The following LRRN3 variants were observed in gnomAD, a reference collection of about 807,000 sequenced individuals.
LRRN3 encodes leucine-rich repeat neuronal protein 3.
A neutral mutation model predicts 40.1 loss-of-function variants in LRRN3; 15 were observed. That is an observed-to-expected ratio of 0.37 (90% CI 0.25 to 0.58). The LOEUF (loss-of-function observed/expected upper bound fraction) is 0.58. Among genes scored for constraint, LRRN3 ranks in the 20% least tolerant of loss-of-function variants. The pLI is 0.72. For synonymous variants in LRRN3, 308 were observed against 297.2 expected (o/e 1.04, Z -0.37); for missense variants, 746 against 837.7 (o/e 0.89, Z 1.35).
At chr7:111,105,416 A>G (rs1329700345) in intron 2 of LRRN3, among the ~76,000 whole-genome samples, 1 of 151,896 alleles carries the variant, frequency 6.6e-6, no homozygotes, top group Non-Finnish European at 1.5e-5. Flanking sequence ...ACAATACACC[A>G]CAACAGTACA....
intron 2 of LRRN3, among the ~76,000 whole-genome samples, chr7:111,116,618 A>G (rs2129585792): frequency 6.6e-6 from 1 of 152,308 alleles, no homozygotes; most frequent in East Asian, 1.9e-4. Context: ...AATTTAGTGC[A>G]TATTTTGTGA....
At chr7:111,101,268 G>C (rs573939107) in intron 2 of LRRN3, among the ~76,000 whole-genome samples, 1 of 151,432 alleles carries the variant, frequency 6.6e-6, no homozygotes, top group South Asian at 2.1e-4. Context: ...TTTAATCAAT[G>C]ACCATGATAT....
chr7:111,094,159 G>A lies in LRRN3; in HGVS notation c.-441+2655G>A, dbSNP rs550071350. Reference sequence around the variant, plus strand: ...TCCCCCCGAATCTGAATTTTTTTGGGGTGTAACATTCCTGTGTAACATGGC... The same window carrying A: ...TCCCCCCGAATCTGAATTTTTTTGGAGTGTAACATTCCTGTGTAACATGGC... On this transcript the variant is annotated intron_variant, in intron 1 of 2. Transcript: ENST00000308478. Among the ~76,000 whole-genome samples, 31 of 151,990 alleles carry A rather than the reference G, an allele frequency of 2.0e-4. No homozygotes were observed. In the South Asian group the frequency reaches 2.5e-3, roughly 12 times the overall value.
At chr7:111,106,985 A>G (rs1798619159) in intron 2 of LRRN3, among the ~76,000 whole-genome samples, 1 of 151,976 alleles carries the variant, frequency 6.6e-6, no homozygotes, top group Non-Finnish European at 1.5e-5. Flanking sequence ...TTCTATATTA[A>G]AATGCAAAAA....
Position 111,125,114 on chromosome 7 carries a change from G to T in LRRN3, c.*215G>T. Reference sequence around the variant, plus strand: ...AGTAACTGGCTTCAAGGGGTACTGTGGCAACCAAATAAAATAACTCCATTT... The same window carrying T: ...AGTAACTGGCTTCAAGGGGTACTGTTGCAACCAAATAAAATAACTCCATTT... On this transcript the variant is annotated 3_prime_UTR_variant, in exon 3 of 3. Transcript: ENST00000308478. 2.2e-6 allele frequency: 1 copy of T among 445,160 alleles called. No individual in the cohort carries two copies. Among genetic ancestry groups the T allele is most frequent in the Non-Finnish European group, 4.1e-6 (1 of 245,646 alleles). The allele number at this position is 445,160 out of a possible 1,614,324, so 27.6% of individuals were successfully genotyped here.
intron 1 of LRRN3, among the ~76,000 whole-genome samples, chr7:111,094,433 T>A (rs919540214): frequency 6.6e-6 from 1 of 152,094 alleles, no homozygotes; most frequent in Admixed American, 6.6e-5. Context: ...ATAATGTGGC[T>A]CCAGCCAGTC....
chr7:111,119,616 A>C (rs1042604368), intron 2 of LRRN3, among the ~76,000 whole-genome samples: 1 of 152,240 alleles, frequency 6.6e-6, no homozygotes, highest in Non-Finnish European at 1.5e-5. Context: ...ACATTAAAAC[A>C]GATTTACTGA....
chr7:111,110,351 A>G (rs548313239), intron 2 of LRRN3, among the ~76,000 whole-genome samples: 25 of 152,304 alleles, frequency 1.6e-4, no homozygotes, highest in African/African-American at 6.0e-4. Flanking sequence ...CATTATTATG[A>G]CAAAGTTTAA....
rs10242510 is a variant in LRRN3 at position 111,119,216 on chromosome 7, G to C, written c.-358-3199G>C. 9.5e-3 allele frequency among the ~76,000 whole-genome samples: 1,439 copies of C among 152,216 alleles called. 23 individuals are homozygous for C. Among genetic ancestry groups the C allele is most frequent in the African/African-American group, 0.032 (1,334 of 41,540 alleles). On this transcript the variant is annotated intron_variant, in intron 2 of 2. Transcript: ENST00000308478. ...TATGGAAACATACAGAAATGCAATT[G>C]GACTTTGTACCTAGGTTTTTCCTTC...
chr7:111,095,799 A>G (rs1341869297), intron 1 of LRRN3, among the ~76,000 whole-genome samples: 1 of 151,846 alleles, frequency 6.6e-6, no homozygotes, highest in Non-Finnish European at 1.5e-5. Flanking sequence ...CCCTTTTTTT[A>G]TATACAGTGT....
Position 111,124,400 on chromosome 7 carries a change from C to T in LRRN3, c.1628C>T (p.Ala543Val). 2 of 1,613,696 alleles carry T rather than the reference C, an allele frequency of 1.2e-6. No individual in the cohort carries two copies. The highest frequency in any genetic ancestry group is 1.7e-6 in the Non-Finnish European group (2 of 1,179,924). ...QANSVLVSWK[A>V]SSKILKSSVK... ...AATTCAGTTTTGGTGTCCTGGAAAG[C>T]AAGTTCTAAAATTCTCAAATCTAGT... The change falls in exon 3 of 3, where the codon GCA (alanine) becomes GTA (valine). Residue 543 changes from alanine to valine, a missense_variant. By Grantham distance (64) the Ala-to-Val change is moderately conservative. Coordinates refer to ENST00000308478, the MANE Select transcript of LRRN3 (RefSeq NM_001099658.2).
chr7:111,113,674 C>T (rs1438392178), intron 2 of LRRN3, among the ~76,000 whole-genome samples: 1 of 151,680 alleles, frequency 6.6e-6, no homozygotes, highest in East Asian at 1.9e-4. Context: ...CAAATGTTTT[C>T]ATCTGAAATG....
chr7:111,118,188 A>T (rs1476815451), intron 2 of LRRN3, among the ~76,000 whole-genome samples: 2 of 152,054 alleles, frequency 1.3e-5, no homozygotes, highest in African/African-American at 4.8e-5. Flanking sequence ...ATAACTGAAA[A>T]CTTGGTGAGC....
chr7:111,115,027 A>G (rs180992175), intron 2 of LRRN3, among the ~76,000 whole-genome samples: 27 of 152,284 alleles, frequency 1.8e-4, no homozygotes, highest in African/African-American at 6.5e-4. Flanking sequence ...ATGGAAAACA[A>G]GATGATTATA....
chr7:111,093,585 A>C (rs1038411025), intron 1 of LRRN3, among the ~76,000 whole-genome samples: 2 of 152,142 alleles, frequency 1.3e-5, no homozygotes, highest in African/African-American at 2.4e-5. Context: ...AATAGATGAC[A>C]CCTAAGAACA....
chr7:111,120,862 C>A (rs141360516), intron 2 of LRRN3, among the ~76,000 whole-genome samples: 4 of 151,930 alleles, frequency 2.6e-5, no homozygotes, highest in African/African-American at 9.7e-5. Context: ...CCTGTTGAAT[C>A]GCAATCTAAC....
chr7:111,121,974 A>G (rs1800687545), intron 2 of LRRN3, among the ~76,000 whole-genome samples: 1 of 151,788 alleles, frequency 6.6e-6, no homozygotes, highest in Non-Finnish European at 1.5e-5. Context: ...AAACTATCGC[A>G]AGGACAAAAA....
intron 2 of LRRN3, among the ~76,000 whole-genome samples, chr7:111,119,211 C>A (rs1800276175): frequency 6.6e-6 from 1 of 152,110 alleles, no homozygotes; most frequent in Admixed American, 6.5e-5. Flanking sequence ...TACAGAAATG[C>A]AATTGGACTT....
chr7:111,121,042 G>A (rs1800547184), intron 2 of LRRN3, among the ~76,000 whole-genome samples: 1 of 151,338 alleles, frequency 6.6e-6, no homozygotes, highest in Admixed American at 6.6e-5. Context: ...AAAATTACAA[G>A]GTATAAACAA....
Sources: gnomAD v4.1 joint callset for allele counts (sites outside exome capture counted in the v4.1 genomes callset) on GRCh38, gnomAD v4.1.1 for gene constraint, MANE v1.5 for transcripts, NCBI Gene and HGNC (gene_info 2026-07-23, HGNC 2026-07-21) for gene names.